The following LEO1 variants were observed in gnomAD, a reference collection of about 807,000 sequenced individuals.
LEO1 encodes the protein RNA polymerase-associated protein LEO1.
LEO1 carries 34 observed loss-of-function variants against 80.4 expected under a neutral mutation model. That is an observed-to-expected ratio of 0.42 (90% confidence interval 0.32 to 0.56). The LOEUF is 0.56. Ranked by LOEUF, LEO1 falls within the 20% of genes least tolerant of loss-of-function variation. The pLI is 0.10. For missense variants in LEO1, 631 were observed against 814.2 expected, an observed-to-expected ratio of 0.77 and a Z score of 2.74; for synonymous variants, 262 against 274.9, an observed-to-expected ratio of 0.95 and a Z score of 0.46.
At chr15:51,963,043 G>A (rs2554318) in intron 2 of LEO1, among the ~76,000 whole-genome samples, 7,246 of 151,932 alleles carry the variant, frequency 0.048, 407 homozygotes, top group African/African-American at 0.12. Flanking sequence ...TTGAGAGGAC[G>A]AGGTGGGTGG....
rs71130110 is a variant in LEO1, at chr15:51,945,262, C to CAA, written c.1896+2028_1896+2029dup. 1.6e-4 allele frequency among the ~76,000 whole-genome samples: 13 copies of CAA among 80,368 alleles called. 1 individual carries two copies. The highest frequency in any genetic ancestry group is 5.5e-4 in the East Asian group (1 of 1,802). The allele number at this position is 80,368 out of a possible 152,430, so 52.7% of individuals were successfully genotyped here. A position where few individuals can be genotyped will look rare whatever the true frequency, so the allele number is the denominator to read the frequency against. ...TGAAACCCCATCTCTACAAAAAATA[C>CAA]AAAAAAAAAAAAAAAAAGCCTTACA... On this transcript the variant is annotated intron_variant, in intron 11 of 11. Transcript: ENST00000299601.
chr15:51,958,227 G>A (rs1272210479), intron 6 of LEO1, among the ~76,000 whole-genome samples: 2 of 151,882 alleles, frequency 1.3e-5, no homozygotes, highest in African/African-American at 2.4e-5. Context: ...AGGTCAAGGC[G>A]GGAGGATCAC....
chr15:51,942,153 C>T (rs2056858097), intron 11 of LEO1, among the ~76,000 whole-genome samples: 1 of 152,156 alleles, frequency 6.6e-6, no homozygotes, highest in African/African-American at 2.4e-5. Context: ...ATTCCTTATT[C>T]CATTGTAACC....
At chr15:51,939,604 G>A (rs888551299) in intron 11 of LEO1, among the ~76,000 whole-genome samples, 4 of 152,162 alleles carry the variant, frequency 2.6e-5, no homozygotes, top group Non-Finnish European at 5.9e-5. Flanking sequence ...GCAGGCTAGA[G>A]CAAACCCAAA....
chr15:51,969,996 G>A (rs1229151387), intron 1 of LEO1, among the ~76,000 whole-genome samples: 2 of 152,092 alleles, frequency 1.3e-5, no homozygotes, highest in Non-Finnish European at 2.9e-5. Context: ...TGTGGGGAAA[G>A]GGAACCCTGG....
chr15:51,963,780 T>C (rs2057051203), intron 2 of LEO1, among the ~76,000 whole-genome samples: 1 of 150,952 alleles, frequency 6.6e-6, no homozygotes, highest in Non-Finnish European at 1.5e-5. Context: ...TGCACACCTT[T>C]AATCCCAGCT....
At chr15:51,962,109 G>C (rs1210297553) in intron 3 of LEO1, among the ~76,000 whole-genome samples, 1 of 151,474 alleles carries the variant, frequency 6.6e-6, no homozygotes, top group African/African-American at 2.4e-5. Flanking sequence ...GTTGCAATAA[G>C]CTGAGCTTGC....
intron 1 of LEO1, among the ~76,000 whole-genome samples, chr15:51,967,279 G>A (rs951166288): frequency 2.6e-5 from 4 of 152,010 alleles, no homozygotes; most frequent in African/African-American, 9.7e-5. Flanking sequence ...TCGAGACCAG[G>A]CTGGCCAACA....
Position 51,938,225 on chromosome 15 carries a change from ATCT to A in LEO1, c.1929_1931del (p.Glu643del). Reference sequence around the variant, plus strand: ...TATGCTTTTTATTTGCTTTATCATCATCTTCTGCTTTTCTCTTTCCGGAAGGTT... The same window carrying A: ...TATGCTTTTTATTTGCTTTATCATCATCTGCTTTTCTCTTTCCGGAAGGTT... On this transcript the variant is annotated inframe_deletion, in exon 12 of 12. Transcript: ENST00000299601. 6.2e-7 allele frequency: 1 copy of A among 1,609,366 alleles called. No homozygotes were observed. The highest frequency in any genetic ancestry group is 8.5e-7 in the Non-Finnish European group (1 of 1,177,202).
In LEO1 at chr15:51,970,421, T is replaced by C. The variant is rs969305138; in HGVS notation, c.58+1267A>G. On this transcript the variant is annotated intron_variant, in intron 1 of 11. Transcript: ENST00000299601. ...CAAATCCGCCTGCCGGAACCAGGAATGTTTACAGTAGCACTATTCAAACAA... is the reference window on the plus strand; with the variant it reads ...CAAATCCGCCTGCCGGAACCAGGAACGTTTACAGTAGCACTATTCAAACAA... Among the ~76,000 whole-genome samples, 4 of 152,184 alleles carry C rather than the reference T, an allele frequency of 2.6e-5. No individual in the cohort carries two copies. In the South Asian group the frequency reaches 6.2e-4, roughly 24 times the overall value.
At chr15:51,945,830 T>C (rs1258473939) in intron 11 of LEO1, among the ~76,000 whole-genome samples, 3 of 151,790 alleles carry the variant, frequency 2.0e-5, no homozygotes, top group Non-Finnish European at 2.9e-5. Context: ...GTCAGGAGAT[T>C]GAGACCATCC....
At chr15:51,947,586 GA>G (rs1225568330) in intron 10 of LEO1, among the ~76,000 whole-genome samples, 197 bp from the exon 11 acceptor site, 1 of 151,922 alleles carries the variant, frequency 6.6e-6, no homozygotes, top group African/African-American at 2.4e-5. Context: ...ATGCCCAGCT[GA>G]TTTTTTTTTT....
chr15:51,951,684 A>G (rs772467391), intron 9 of LEO1, among the ~76,000 whole-genome samples, 160 bp downstream of exon 9: 1 of 152,194 alleles, frequency 6.6e-6, no homozygotes, highest in East Asian at 1.9e-4. Flanking sequence ...CACGTCACCA[A>G]TTGTTTGGCA....
chr15:51,944,627 A>C (rs1257686491), intron 11 of LEO1, among the ~76,000 whole-genome samples: 2 of 152,206 alleles, frequency 1.3e-5, no homozygotes, highest in Non-Finnish European at 2.9e-5. Context: ...CTTATCTTAG[A>C]GAGTTTAGGC....
At chr15:51,954,679 G>C in intron 6 of LEO1, 104 bp from the exon 7 acceptor site, 2 of 745,022 alleles carry the variant, frequency 2.7e-6, no homozygotes, top group Non-Finnish European at 4.7e-6. Context: ...ATACAGAGGT[G>C]ACAGATGTAT....
At chr15:51,942,419 A>T (rs533475936) in intron 11 of LEO1, among the ~76,000 whole-genome samples, 2 of 127,112 alleles carry the variant, frequency 1.6e-5, no homozygotes, top group African/African-American at 3.6e-5. Context: ...TGGATCACTT[A>T]AAAAAAAAAA....
intron 6 of LEO1, among the ~76,000 whole-genome samples, chr15:51,957,888 G>C (rs187499975): frequency 6.6e-6 from 1 of 152,200 alleles, no homozygotes; most frequent in African/African-American, 2.4e-5. Context: ...GGGCATGGTG[G>C]TGCATGCCTG....
At position 51,960,739 on chromosome 15, in the gene LEO1, A is replaced by T. The variant is rs375458258; in HGVS notation, c.920-6T>A. 4 of 1,544,012 alleles carry T rather than the reference A, an allele frequency of 2.6e-6. No individual in the cohort carries two copies. Among genetic ancestry groups the T allele is most frequent in the Non-Finnish European group, 3.6e-6 (4 of 1,116,076 alleles). On this transcript the variant is annotated splice_region_variant and splice_polypyrimidine_tract_variant and intron_variant, in intron 3 of 11. Transcript: ENST00000299601. ...ATCCATGGTTCCACTATTATCTTCAATGCAGAAGGAAAAAGGCATTAGTGT... is the reference window on the plus strand; with the variant it reads ...ATCCATGGTTCCACTATTATCTTCATTGCAGAAGGAAAAAGGCATTAGTGT...
chr15:51,945,440 C>T (rs2056892260), intron 11 of LEO1, among the ~76,000 whole-genome samples: 1 of 152,034 alleles, frequency 6.6e-6, no homozygotes, highest in African/African-American at 2.4e-5. Context: ...CTGCATGCAA[C>T]ACTCTCCAGA....
Sources: gnomAD v4.1 joint callset for allele counts (sites outside exome capture counted in the v4.1 genomes callset) on GRCh38, gnomAD v4.1.1 for gene constraint, MANE v1.5 for transcripts, NCBI Gene and HGNC (gene_info 2026-07-23, HGNC 2026-07-21) for gene names.